The following FAM53B variants were observed in gnomAD, a reference collection of about 807,000 sequenced individuals.
FAM53B encodes family with sequence similarity 53 member B.
FAM53B carries 12 observed loss-of-function variants against 32.7 expected under a neutral mutation model. That is an observed-to-expected ratio of 0.37 (90% CI 0.24 to 0.59). The LOEUF (loss-of-function observed/expected upper bound fraction) is 0.59, where lower values mean the gene tolerates loss of function less well. FAM53B is among the 20% of genes least tolerant of loss of function. FAM53B has a pLI of 0.72. For missense variants in FAM53B, 477 were observed against 577.7 expected (o/e 0.83, Z 1.79); for synonymous variants, 234 against 228.7 (o/e 1.02, Z -0.21).
chr10:124,642,712 G>A (rs1184402424), intron 4 of FAM53B, among the ~76,000 whole-genome samples: 3 of 152,130 alleles, frequency 2.0e-5, no homozygotes, highest in African/African-American at 7.2e-5. Flanking sequence ...CAGAAAGGGT[G>A]GCCTTCTCTT....
chr10:124,684,457 T>C (rs1366756149), intron 3 of FAM53B, among the ~76,000 whole-genome samples: 1 of 152,226 alleles, frequency 6.6e-6, no homozygotes, highest in Non-Finnish European at 1.5e-5. Context: ...TTCACCATTC[T>C]ATTAAATCAG....
intron 4 of FAM53B, among the ~76,000 whole-genome samples, chr10:124,659,095 G>A (rs1167657745): frequency 1.3e-5 from 2 of 152,194 alleles, no homozygotes; most frequent in African/African-American, 2.4e-5. Context: ...GGTGGCTGAC[G>A]TGCACCCACC....
intron 1 of FAM53B, among the ~76,000 whole-genome samples, chr10:124,709,552 G>C (rs1045885500): frequency 6.6e-6 from 1 of 152,204 alleles, no homozygotes; most frequent in Non-Finnish European, 1.5e-5. Context: ...ACATTTCAGA[G>C]GCAGGCAGAA....
chr10:124,666,786 C>G (rs1165343034), intron 4 of FAM53B, among the ~76,000 whole-genome samples: 1 of 152,226 alleles, frequency 6.6e-6, no homozygotes, highest in Non-Finnish European at 1.5e-5. Context: ...GGACCAGCCC[C>G]ACGAGGAGGG....
intron 1 of FAM53B, among the ~76,000 whole-genome samples, chr10:124,740,250 G>C (rs549130577): frequency 2.6e-5 from 4 of 152,104 alleles, no homozygotes; most frequent in African/African-American, 9.7e-5. Context: ...ACCACAACCC[G>C]CAATACACGA....
intron 4 of FAM53B, among the ~76,000 whole-genome samples, chr10:124,649,334 T>C (rs1249792739): frequency 6.6e-6 from 1 of 152,234 alleles, no homozygotes; most frequent in Non-Finnish European, 1.5e-5. Flanking sequence ...CTTCCTGCTA[T>C]TGTTGGACCA....
chr10:124,712,771 T>C (rs1418317247), intron 1 of FAM53B, among the ~76,000 whole-genome samples: 2 of 152,216 alleles, frequency 1.3e-5, no homozygotes, highest in African/African-American at 4.8e-5. Context: ...GGAGACACAG[T>C]GCTCTCTGAC....
Position 124,644,272 on chromosome 10 carries a change from C to T in FAM53B, c.907-20668G>A, listed in dbSNP as rs1048200167. 5.3e-5 allele frequency among the ~76,000 whole-genome samples: 8 copies of T among 152,332 alleles called. No individual in the cohort carries two copies. In the South Asian group the frequency reaches 1.2e-3, roughly 24 times the overall value. On this transcript the variant is annotated intron_variant, in intron 4 of 4. Coordinates refer to ENST00000337318, the MANE Select transcript of FAM53B (RefSeq NM_014661.4). ...ACCGAGTTAGCTGGGCTAGCACAGTCATGGCACACAGCCCTTACCCAGTGA... is the reference window on the plus strand; with the variant it reads ...ACCGAGTTAGCTGGGCTAGCACAGTTATGGCACACAGCCCTTACCCAGTGA...
chr10:124,649,746 G>C (rs1317494015), intron 4 of FAM53B, among the ~76,000 whole-genome samples: 1 of 152,166 alleles, frequency 6.6e-6, no homozygotes, highest in African/African-American at 2.4e-5. Flanking sequence ...CACACACTGG[G>C]AAGTGTGCAC....
At chr10:124,685,446 G>A (rs183018224) in intron 3 of FAM53B, among the ~76,000 whole-genome samples, 1 of 152,314 alleles carries the variant, frequency 6.6e-6, no homozygotes, top group East Asian at 1.9e-4. Flanking sequence ...CATACAAAAT[G>A]CTGGCCACTA....
At chr10:124,711,624 T>G (rs1950004160) in intron 1 of FAM53B, among the ~76,000 whole-genome samples, 1 of 152,216 alleles carries the variant, frequency 6.6e-6, no homozygotes, top group African/African-American at 2.4e-5. Context: ...ATATATAAGT[T>G]TTTAAAACTT....
chr10:124,732,228 A>T (rs562531313), intron 1 of FAM53B, among the ~76,000 whole-genome samples: 44 of 152,144 alleles, frequency 2.9e-4, no homozygotes, highest in Non-Finnish European at 4.6e-4. Flanking sequence ...CAGGGCTAAA[A>T]ATTCAGCCCT....
intron 2 of FAM53B, among the ~76,000 whole-genome samples, chr10:124,696,757 C>T (rs553695538): frequency 6.2e-4 from 95 of 152,262 alleles, no homozygotes; most frequent in African/African-American, 2.2e-3. Context: ...TTTGTGGCTA[C>T]ATCGAGTCCC....
At chr10:124,735,665 T>C (rs1466344109) in intron 1 of FAM53B, among the ~76,000 whole-genome samples, 5 of 152,186 alleles carry the variant, frequency 3.3e-5, no homozygotes, top group African/African-American at 1.2e-4. Context: ...CAGCCTCCCT[T>C]CAGTCCTCGC....
intron 1 of FAM53B, among the ~76,000 whole-genome samples, chr10:124,718,396 G>A (rs566776360): frequency 6.6e-6 from 1 of 152,230 alleles, no homozygotes; most frequent in Non-Finnish European, 1.5e-5. Flanking sequence ...TAAGCCTTCC[G>A]CCTTCTCCCT....
chr10:124,635,019 C>T (rs1337562699), intron 4 of FAM53B, among the ~76,000 whole-genome samples: 1 of 152,188 alleles, frequency 6.6e-6, no homozygotes, highest in Non-Finnish European at 1.5e-5. Flanking sequence ...TAACTCATAT[C>T]ACAGGCAAAA....
intron 4 of FAM53B, among the ~76,000 whole-genome samples, chr10:124,627,058 G>A (rs533406000): frequency 6.6e-5 from 10 of 152,344 alleles, no homozygotes; most frequent in East Asian, 5.8e-4. Context: ...CAAAGCCAGC[G>A]AAACCTTGAG....
rs551956827 is a variant in FAM53B, at chr10:124,643,792, C to T, written c.907-20188G>A. Among the ~76,000 whole-genome samples the T allele has an allele frequency of 9.8e-5, 15 of 152,344 alleles. 1 individual carries two copies. The South Asian group carries it at 2.7e-3, about 27-fold the overall frequency. ...AGGATGGAAGGCTCAGAAGATGAGG[C>T]ACAGCGGTGCACGCTGGGCGGCTCC... On this transcript the variant is annotated intron_variant, in intron 4 of 4. Transcript: ENST00000337318.
chr10:124,667,578 C>A (rs1949681000), intron 4 of FAM53B, among the ~76,000 whole-genome samples: 1 of 152,192 alleles, frequency 6.6e-6, no homozygotes, highest in African/African-American at 2.4e-5. Context: ...GAGGACCGGG[C>A]AGGGCTGGGA....
Sources: gnomAD v4.1 joint callset for allele counts (sites outside exome capture counted in the v4.1 genomes callset) on GRCh38, gnomAD v4.1.1 for gene constraint, MANE v1.5 for transcripts, NCBI Gene and HGNC (gene_info 2026-07-23, HGNC 2026-07-21) for gene names.